HERC2: variants seen among roughly 807,000 people sequenced by gnomAD.
HERC2 encodes the protein E3 ubiquitin-protein ligase HERC2.
In HERC2, 102 loss-of-function variants were observed where a neutral mutation model predicts 537.7. The ratio of observed to expected loss-of-function variants is 0.19; its 90% CI spans 0.16 to 0.22. The LOEUF (loss-of-function observed/expected upper bound fraction) is 0.22. HERC2 is among the 10% of genes least tolerant of loss of function. The probability of loss-of-function intolerance (pLI) is 1.00; values close to 1 mark genes in which losing one functional copy is unlikely to be tolerated. For missense variants in HERC2, 4,236 were observed against 6,198.2 expected (o/e 0.68, Z 10.63); for synonymous variants, 2,224 against 2,466.2 (o/e 0.90, Z 2.91).
chr15:28,189,242 C>T (rs1211647931), intron 55 of HERC2, among the ~76,000 whole-genome samples: 1 of 152,092 alleles, frequency 6.6e-6, no homozygotes, highest in Admixed American at 6.5e-5. Flanking sequence ...TGCAATGCTT[C>T]GTATTTCTCA....
intron 4 of HERC2, among the ~76,000 whole-genome samples, chr15:28,282,708 C>A (rs1166903896): frequency 6.6e-6 from 1 of 152,034 alleles, no homozygotes; most frequent in African/African-American, 2.4e-5. Context: ...CCGAGGCAGG[C>A]GGATCACAAG....
At chr15:28,148,890 T>C (rs74005616) in intron 70 of HERC2, among the ~76,000 whole-genome samples, 7,126 of 149,532 alleles carry the variant, frequency 0.048, 573 homozygotes, top group African/African-American at 0.17. Context: ...CAAACGTATA[T>C]TCTAGTAAAA....
At chr15:28,210,233 A>T (rs972036622) in intron 44 of HERC2, among the ~76,000 whole-genome samples, 2 of 152,108 alleles carry the variant, frequency 1.3e-5, no homozygotes, top group Non-Finnish European at 2.9e-5. Flanking sequence ...TCCCGGATTC[A>T]TGCCATTCTC....
chr15:28,218,649 G>A lies in HERC2; in HGVS notation c.5868C>T (p.Asn1956=), dbSNP rs1317847182. 3 of 1,585,166 alleles carry A rather than the reference G, an allele frequency of 1.9e-6. No homozygotes were observed. The highest frequency in any genetic ancestry group is 2.6e-6 in the Non-Finnish European group (3 of 1,168,048). The part of the protein sequence containing the change: ...DDSEAEQTER[N]IHPTAMMFTS... Reference sequence around the variant, plus strand: ...TAAACATCATTGCAGTGGGGTGAATGTTCCTTTCAGTTTGTTCGGCTTCTA... The same window carrying A: ...TAAACATCATTGCAGTGGGGTGAATATTCCTTTCAGTTTGTTCGGCTTCTA... The change falls in exon 38 of 93, where the codon AAC becomes AAT. Residue 1956 remains asparagine (N), a synonymous_variant. Coordinates refer to ENST00000261609, the MANE Select transcript of HERC2 (RefSeq NM_004667.6).
chr15:28,222,519 TTCA>T (rs1053733169), intron 35 of HERC2, among the ~76,000 whole-genome samples: 1 of 152,202 alleles, frequency 6.6e-6, no homozygotes, highest in Non-Finnish European at 1.5e-5. Flanking sequence ...TAGAAAGATA[TTCA>T]TCATATTTTT....
At chr15:28,144,608 C>T in intron 72 of HERC2, 65 bp downstream of exon 72, 3 of 1,609,708 alleles carry the variant, frequency 1.9e-6, no homozygotes, top group Admixed American at 3.3e-5. Flanking sequence ...GCACGTGTCC[C>T]TGTTGCTCCA....
At chr15:28,300,258 C>A (rs1167651371) in intron 2 of HERC2, among the ~76,000 whole-genome samples, 1 of 150,652 alleles carries the variant, frequency 6.6e-6, no homozygotes, top group Non-Finnish European at 1.5e-5. Context: ...CTGAAACATA[C>A]ATGACTTTCA....
intron 4 of HERC2, among the ~76,000 whole-genome samples, chr15:28,291,940 C>T (rs1381944119): frequency 7.8e-6 from 1 of 127,744 alleles, no homozygotes; most frequent in African/African-American, 3.0e-5. Flanking sequence ...AAAAAAGAGG[C>T]AAAAGGGCCA....
chr15:28,141,607 G>C lies in HERC2; in HGVS notation c.11840C>G (p.Ser3947Cys). The part of the protein sequence containing the change: ...MNRRPDDWTL[S>C]AGGSGTIYGW... The stretch of plus-strand genomic sequence containing the variant: ...ATAAATTGTTCCACTGCCACCAGCA[G>C]AGAGAGTCCAGTCATCTGGTCGCCT... Residue 3947 changes from serine (S) to cysteine (C), a missense_variant, in exon 78 of 93, where the codon TCT becomes TGT. This residue lies in a region of HERC2 where 156 missense variants were observed against 172.3 expected (regional missense o/e 0.91). Transcript: ENST00000261609. 6.2e-7 allele frequency: 1 copy of C among 1,614,182 alleles called. No individual in the cohort carries two copies. The highest frequency in any genetic ancestry group is 8.5e-7 in the Non-Finnish European group (1 of 1,180,036).
chr15:28,149,645 T>C lies in HERC2; in HGVS notation c.10900+3032A>G, dbSNP rs563694969. On this transcript the variant is annotated intron_variant, in intron 70 of 92. Transcript: ENST00000261609. Reference sequence around the variant, plus strand: ...AGAACGGCTGCACGAACGTACATTCTAGTAAAATTACCGAAAAAATACATG... The same window carrying C: ...AGAACGGCTGCACGAACGTACATTCCAGTAAAATTACCGAAAAAATACATG... 2.0e-4 allele frequency among the ~76,000 whole-genome samples: 30 copies of C among 151,530 alleles called. No homozygotes were observed. In the South Asian group the frequency reaches 6.1e-3, roughly 31 times the overall value.
At chr15:28,135,445 A>G (rs1555404068) in intron 79 of HERC2, 33 bp downstream of exon 79, 1 of 1,538,660 alleles carries the variant, frequency 6.5e-7, no homozygotes, top group East Asian at 2.3e-5. Flanking sequence ...ACAAAGACAA[A>G]TAGAATGTTG....
In HERC2 at chr15:28,274,358, T is replaced by A; in HGVS notation, c.733A>T (p.Thr245Ser). The change falls in exon 7 of 93, where the codon ACC becomes TCC. Residue 245 changes from threonine (T) to serine (S), a missense_variant. Physicochemically the swap from Thr to Ser is moderately conservative, Grantham distance 58. Around this residue, in one of 27 missense-constraint regions of HERC2, gnomAD observed 491 missense variants for 559.3 expected, o/e 0.88. Coordinates refer to ENST00000261609, the MANE Select transcript of HERC2 (RefSeq NM_004667.6). ...LPEASLFDES[T>S]VSSVWLEVVE... Reference sequence around the variant, plus strand: ...ACCTCCAGCCACACAGAGGACACGGTGCTCTCGTCAAAGAGCGAGGCCTCG... The same window carrying A: ...ACCTCCAGCCACACAGAGGACACGGAGCTCTCGTCAAAGAGCGAGGCCTCG... 2 of 1,614,212 alleles carry A rather than the reference T, an allele frequency of 1.2e-6. No homozygotes were observed. The highest frequency in any genetic ancestry group is 1.7e-6 in the Non-Finnish European group (2 of 1,180,028).
intron 70 of HERC2, among the ~76,000 whole-genome samples, chr15:28,149,920 C>T (rs932244153): frequency 2.7e-4 from 41 of 150,270 alleles, no homozygotes; most frequent in Non-Finnish European, 5.0e-4. Context: ...CAAGAACAGC[C>T]ACACGAACGC....
At chr15:28,271,844 G>C (rs1431977037) in intron 9 of HERC2, among the ~76,000 whole-genome samples, 2 of 152,192 alleles carry the variant, frequency 1.3e-5, no homozygotes, top group Non-Finnish European at 2.9e-5. Flanking sequence ...TCAGCTTGTT[G>C]TCCACACCTG....
chr15:28,166,350 C>T (rs1187389782), intron 68 of HERC2, among the ~76,000 whole-genome samples: 1 of 152,130 alleles, frequency 6.6e-6, no homozygotes, highest in East Asian at 1.9e-4. Flanking sequence ...TAGGAATAAG[C>T]CCTGTGGTAC....
chr15:28,255,754 A>G (rs922587328), intron 19 of HERC2, 118 bp downstream of exon 19: 1 of 1,102,952 alleles, frequency 9.1e-7, no homozygotes, highest in Non-Finnish European at 1.3e-6. Flanking sequence ...AATTTAAAAA[A>G]TACTTGGATA....
intron 42 of HERC2, 40 bp from the exon 43 acceptor site, chr15:28,212,623 G>C (rs370722254): frequency 1.9e-6 from 3 of 1,604,784 alleles, no homozygotes; most frequent in South Asian, 1.1e-5. Context: ...TGGCCAATAC[G>C]ACTAACAAAT....
At chr15:28,182,892 C>A (rs1053855270) in intron 56 of HERC2, among the ~76,000 whole-genome samples, 3 of 152,204 alleles carry the variant, frequency 2.0e-5, no homozygotes, top group Admixed American at 2.0e-4. Flanking sequence ...ACTGAGGAAA[C>A]CTGCCCAGGA....
intron 70 of HERC2, among the ~76,000 whole-genome samples, chr15:28,147,592 G>A (rs577923858): frequency 7.2e-5 from 11 of 152,206 alleles, no homozygotes; most frequent in South Asian, 4.1e-4. Flanking sequence ...AGCCACGATC[G>A]TGCTACCATA....
Sources: gnomAD v4.1 joint callset for allele counts (sites outside exome capture counted in the v4.1 genomes callset) on GRCh38, gnomAD v4.1.1 for gene constraint, gnomAD v4.1.1 regional missense constraint, MANE v1.5 for transcripts, NCBI Gene and HGNC (gene_info 2026-07-23, HGNC 2026-07-21) for gene names.